Variants in EIPR1 observed in about 807,000 individuals in gnomAD.
EIPR1 encodes the protein EARP complex and GARP complex interacting protein 1, also known as EARP and GARP complex-interacting protein 1.
EIPR1 carries 25 observed loss-of-function variants against 48.1 expected under a neutral mutation model. The observed-to-expected ratio is 0.52, with a 90% CI of 0.38 to 0.73. The LOEUF is 0.73. Ranked by LOEUF, EIPR1 falls within the 30% of genes least tolerant of loss-of-function variation. The probability of loss-of-function intolerance (pLI) is 0.00; values close to 1 mark genes in which losing one functional copy is unlikely to be tolerated. For synonymous variants in EIPR1, 204 were observed against 201.9 expected, an observed-to-expected ratio of 1.01 and a Z score of -0.09; for missense variants, 415 against 506.2, an observed-to-expected ratio of 0.82 and a Z score of 1.73.
rs200276053 is a variant in EIPR1, at chr2:3,197,031, G to A, written c.517-14C>T. ...TGAGCTGGCCAGCTGGGAGTGTCACGATGTTTTCCAAAGGAAGAAGAAAAG... is the reference window on the plus strand; with the variant it reads ...TGAGCTGGCCAGCTGGGAGTGTCACAATGTTTTCCAAAGGAAGAAGAAAAG... On this transcript the variant is annotated splice_polypyrimidine_tract_variant and intron_variant, in intron 5 of 8. Coordinates refer to ENST00000382125, the MANE Select transcript of EIPR1 (RefSeq NM_003310.5). 1,391 of 1,612,778 alleles carry A rather than the reference G, an allele frequency of 8.6e-4. 11 individuals carry two copies. The highest frequency in any genetic ancestry group is 3.0e-3 in the Middle Eastern group (18 of 6,052).
chr2:3,323,430 T>C (rs946470076), intron 3 of EIPR1, among the ~76,000 whole-genome samples: 3 of 152,218 alleles, frequency 2.0e-5, no homozygotes, highest in Non-Finnish European at 4.4e-5. Context: ...TTCATATTTT[T>C]AGTCTCCTTC....
rs187797879 is a variant in EIPR1, at chr2:3,328,781, G to A, written c.259+9236C>T. ...CACCCACCACACTCTAATGATCTCA[G>A]GGCACCAGCCAGGCTCCCCTGAATC... On this transcript the variant is annotated intron_variant, in intron 3 of 8. Transcript: ENST00000382125. Among the ~76,000 whole-genome samples, 5 of 140,292 alleles carry A rather than the reference G, an allele frequency of 3.6e-5. No individual in the cohort carries two copies. In the East Asian group the frequency reaches 1.1e-3, roughly 32 times the overall value. The allele number at this position is 140,292 out of a possible 152,430, so 92.0% of individuals were successfully genotyped here.
In EIPR1 at chr2:3,192,552, T is replaced by C. The variant is rs1664643802; in HGVS notation, c.851A>G (p.His284Arg). Residue 284 changes from histidine to arginine, a missense_variant, in exon 8 of 9, where the codon CAT becomes CGT. Coordinates refer to ENST00000382125, the MANE Select transcript of EIPR1 (RefSeq NM_003310.5). Reference protein sequence around the residue: ...WVWNVRYNHSHDQLVLTGSSD... With the variant: ...WVWNVRYNHSRDQLVLTGSSD... ...GCTGCCCGTGAGGACCAGCTGGTCA[T>C]GAGAGTGGTTGTAGCGGACGTTCCA... The C allele has an allele frequency of 1.9e-6, 3 of 1,612,284 alleles. No individual in the cohort carries two copies. The highest frequency in any genetic ancestry group is 2.2e-5 in the East Asian group (1 of 44,852).
intron 5 of EIPR1, among the ~76,000 whole-genome samples, chr2:3,202,368 C>G (rs1323559934): frequency 6.6e-6 from 1 of 152,194 alleles, no homozygotes; most frequent in Non-Finnish European, 1.5e-5. Flanking sequence ...TGAAGACCTA[C>G]TTATCAGGTT....
chr2:3,283,216 G>T (rs1317815894), intron 3 of EIPR1, among the ~76,000 whole-genome samples: 1 of 152,152 alleles, frequency 6.6e-6, no homozygotes, highest in African/African-American at 2.4e-5. Flanking sequence ...CTGGGGCAGG[G>T]ACATCCTAAG....
At position 3,197,004 on chromosome 2, in the gene EIPR1, G is replaced by A. The variant is rs202069415; in HGVS notation, c.530C>T (p.Ala177Val). The A allele has an allele frequency of 2.2e-4, 349 of 1,613,862 alleles. No homozygotes were observed. Among genetic ancestry groups the A allele is most frequent in the East Asian group, 1.0e-3 (46 of 44,878 alleles). Residue 177 changes from alanine (A) to valine (V), a missense_variant, in exon 6 of 9, where the codon GCG (alanine) becomes GTG (valine). By Grantham distance (64) the Ala-to-Val change is moderately conservative. Transcript: ENST00000382125. ...CAGTTGTCCCTTCCCTTCCAGGGAC[G>A]CTGAGCTGGCCAGCTGGGAGTGTCA... ...SSSQAVLASS[A>V]SLEGKGQLKF...
intron 4 of EIPR1, among the ~76,000 whole-genome samples, chr2:3,246,708 G>T (rs1427958904): frequency 6.6e-6 from 1 of 150,974 alleles, no homozygotes; most frequent in African/African-American, 2.4e-5. Flanking sequence ...ACTCCTCCCT[G>T]TAGCCTCCTC....
In EIPR1 at chr2:3,194,073, G is replaced by T. The variant is rs753826505; in HGVS notation, c.747C>A (p.Asp249Glu). ...TGTCCCAGAACTTCACCTTACAGTC[G>T]TCTCCGCAGCTGGCCAAGTAGTACT... The part of the protein sequence containing the change: ...NKQYYLASCG[D>E]DCKVKFWDTR... The change falls in exon 7 of 9, where the codon GAC (aspartate) becomes GAA (glutamate). Residue 249 changes from aspartate to glutamate, a missense_variant. Physicochemically the swap from Asp to Glu is conservative, Grantham distance 45. Transcript: ENST00000382125. The T allele has an allele frequency of 8.1e-6, 13 of 1,613,874 alleles. No homozygotes were observed. The highest frequency in any genetic ancestry group is 1.1e-5 in the Non-Finnish European group (13 of 1,180,014).
Position 3,189,388 on chromosome 2 carries a change from C to T in EIPR1, c.1110G>A (p.Gly370=), listed in dbSNP as rs1018497609. Residue 370 remains glycine (G), a synonymous_variant, in exon 9 of 9, where the codon GGG becomes GGA. Coordinates refer to ENST00000382125, the MANE Select transcript of EIPR1 (RefSeq NM_003310.5). This position sits in a 1 kb window ranked among gnomAD's most constrained non-coding sequence, Gnocchi z 4.6. ...PWLFASLSYD[G]RLVINRVPRA... is the part of the protein sequence containing the mutation. ...TGGGCACCCTGTTGATCACGAGCCT[C>T]CCGTCATAGCTCAGGGAGGCAAACA... is the stretch of plus-strand genomic sequence containing the variant. The T allele has an allele frequency of 4.4e-6, 7 of 1,602,966 alleles. No individual in the cohort carries two copies. Among genetic ancestry groups the T allele is most frequent in the Non-Finnish European group, 6.0e-6 (7 of 1,173,772 alleles).
At chr2:3,282,901 G>A (rs1325979766) in intron 3 of EIPR1, 1 of 152,316 alleles carries the variant, frequency 6.6e-6, no homozygotes, top group Admixed American at 6.5e-5. Flanking sequence ...CACAGAGTAG[G>A]AGGAAAGAAT....
chr2:3,257,743 G>T (rs569327001), intron 3 of EIPR1, among the ~76,000 whole-genome samples: 3 of 152,028 alleles, frequency 2.0e-5, no homozygotes, highest in Non-Finnish European at 4.4e-5. Context: ...ATTTCCTTCC[G>T]TTCTTCTTCA....
intron 3 of EIPR1, among the ~76,000 whole-genome samples, chr2:3,282,211 G>A (rs1668034485): frequency 6.6e-6 from 1 of 152,190 alleles, no homozygotes; most frequent in African/African-American, 2.4e-5. Flanking sequence ...ACCATCACCA[G>A]CCCCGGGCCA....
At chr2:3,264,851 T>C (rs1667439267) in intron 3 of EIPR1, among the ~76,000 whole-genome samples, 1 of 152,164 alleles carries the variant, frequency 6.6e-6, no homozygotes, top group African/African-American at 2.4e-5. Flanking sequence ...CATGCCCAGC[T>C]AATTTTTGTA....
intron 3 of EIPR1, among the ~76,000 whole-genome samples, chr2:3,324,174 C>T (rs1394088044): frequency 6.6e-6 from 1 of 152,232 alleles, no homozygotes; most frequent in African/African-American, 2.4e-5. Context: ...GACAGGAGCA[C>T]CTCCTCCCCA....
At chr2:3,222,321 G>A (rs1244068368) in intron 4 of EIPR1, among the ~76,000 whole-genome samples, 1 of 152,242 alleles carries the variant, frequency 6.6e-6, no homozygotes, top group African/African-American at 2.4e-5. Context: ...GCATGCGACT[G>A]ATTTTATATC....
At chr2:3,293,512 G>A (rs750307739) in intron 3 of EIPR1, among the ~76,000 whole-genome samples, 2 of 152,206 alleles carry the variant, frequency 1.3e-5, no homozygotes, top group Non-Finnish European at 2.9e-5. Context: ...CGTTTAGGCT[G>A]CAAAACAGCA....
intron 3 of EIPR1, among the ~76,000 whole-genome samples, chr2:3,322,078 T>C (rs749897437): frequency 1.3e-5 from 2 of 152,342 alleles, no homozygotes; most frequent in Non-Finnish European, 2.9e-5. Context: ...CCAGGGCATA[T>C]TCCACTGTCG....
At chr2:3,297,915 G>A (rs1034533580) in intron 3 of EIPR1, among the ~76,000 whole-genome samples, 1 of 152,114 alleles carries the variant, frequency 6.6e-6, no homozygotes, top group Admixed American at 6.6e-5. Context: ...TCTGCCTCCC[G>A]GGTTCAGCTT....
chr2:3,376,881 C>A (rs1659901721), intron 1 of EIPR1, among the ~76,000 whole-genome samples: 1 of 152,124 alleles, frequency 6.6e-6, no homozygotes, highest in African/African-American at 2.4e-5. Flanking sequence ...TCTAACAGGC[C>A]CTACACAATC....
Sources: allele counts gnomAD v4.1 joint callset (sites outside exome capture counted in the v4.1 genomes callset), GRCh38; gene constraint gnomAD v4.1.1; non-coding constraint Gnocchi (gnomAD v3.1); transcripts MANE v1.5; gene names NCBI Gene and HGNC (gene_info 2026-07-23, HGNC 2026-07-21).